Variants in MYO10 observed in about 807,000 individuals in gnomAD.
MYO10 encodes the protein myosin X, also known as unconventional myosin-X.
In MYO10, 133 loss-of-function variants were observed where a neutral mutation model predicts 257.3. The ratio of observed to expected loss-of-function variants is 0.52; its 90% CI spans 0.45 to 0.60. MYO10 has a LOEUF of 0.60. MYO10 is among the 20% of genes least tolerant of loss of function. The pLI is 0.00. For missense variants in MYO10, 2,399 were observed against 2,635.7 expected (o/e 0.91, Z 1.97); for synonymous variants, 1,104 against 1,028.6 (o/e 1.07, Z -1.40).
chr5:16,790,179 G>C (rs1275210883), intron 4 of MYO10, among the ~76,000 whole-genome samples: 1 of 151,986 alleles, frequency 6.6e-6, no homozygotes, highest in Non-Finnish European at 1.5e-5. Flanking sequence ...TGGTTAAGTA[G>C]AAATCACTCA....
intron 22 of MYO10, among the ~76,000 whole-genome samples, 196 bp downstream of exon 22, chr5:16,704,383 A>T (rs115252362): frequency 0.016 from 2,390 of 152,218 alleles, 52 homozygotes; most frequent in African/African-American, 0.054. Context: ...CTACCTGAGA[A>T]GTCAAAAAGT....
chr5:16,780,795 G>A, intron 6 of MYO10, 54 bp from the exon 7 acceptor site: 2 of 1,499,950 alleles, frequency 1.3e-6, no homozygotes, highest in Non-Finnish European at 9.1e-7. Flanking sequence ...TATGTGCCAT[G>A]CTCAACTAGT....
rs1240028093 is a variant in MYO10, at chr5:16,794,660, C to A, written c.453G>T (p.Gln151His). The change falls in exon 4 of 41, where the codon CAG becomes CAT. Residue 151 changes from glutamine to histidine, a missense_variant. This residue lies in a region of MYO10 where 242 missense variants were observed against 249.5 expected (regional missense o/e 0.97). Transcript: ENST00000513610. ...AGCCCCGTTACCTGATGAGGATGCA[C>A]TGGTTGTCGTGGCGCTTCCACAGGC... ...YRCLWKRHDN[Q>H]CILISGESGA... 1 of 1,610,782 alleles carries A rather than the reference C, an allele frequency of 6.2e-7. No individual in the cohort carries two copies. The highest frequency in any genetic ancestry group is 8.5e-7 in the Non-Finnish European group (1 of 1,178,468).
At chr5:16,897,140 A>C (rs1334930280) in intron 1 of MYO10, among the ~76,000 whole-genome samples, 1 of 152,144 alleles carries the variant, frequency 6.6e-6, no homozygotes, top group Non-Finnish European at 1.5e-5. Context: ...TTATTCCAAT[A>C]ATTAATGCTC....
intron 1 of MYO10, among the ~76,000 whole-genome samples, chr5:16,927,192 G>A (rs1042238069): frequency 2.4e-4 from 37 of 152,128 alleles, no homozygotes; most frequent in African/African-American, 8.9e-4. Context: ...AAACATTACA[G>A]GTGTGTTTTA....
chr5:16,806,259 A>G (rs1169266059), intron 3 of MYO10, among the ~76,000 whole-genome samples: 1 of 150,156 alleles, frequency 6.7e-6, no homozygotes, highest in African/African-American at 2.5e-5. Context: ...CTGAGGTAGA[A>G]GAATCGGGAG....
At chr5:16,833,311 T>C (rs953042674) in intron 2 of MYO10, among the ~76,000 whole-genome samples, 1 of 151,752 alleles carries the variant, frequency 6.6e-6, no homozygotes, top group African/African-American at 2.4e-5. Flanking sequence ...CCTCCCAGGC[T>C]CAAATGATTC....
At chr5:16,766,287 G>T in intron 10 of MYO10, 89 bp from the exon 11 acceptor site, 1 of 916,718 alleles carries the variant, frequency 1.1e-6, no homozygotes, top group Non-Finnish European at 1.7e-6. Flanking sequence ...GAACACACCT[G>T]AATCCCTCAC....
intron 1 of MYO10, among the ~76,000 whole-genome samples, chr5:16,888,945 G>T (rs1744966428): frequency 6.6e-6 from 1 of 152,212 alleles, no homozygotes; most frequent in South Asian, 2.1e-4. Context: ...GGCTGAGGTG[G>T]GAGGATCGTT....
chr5:16,671,707 A>G (rs1007065842), intron 37 of MYO10, among the ~76,000 whole-genome samples, 165 bp from the exon 38 acceptor site: 1 of 152,146 alleles, frequency 6.6e-6, no homozygotes, highest in Non-Finnish European at 1.5e-5. Context: ...GAGTGAAAAA[A>G]CGTACTTTCA....
intron 1 of MYO10, among the ~76,000 whole-genome samples, chr5:16,906,538 C>A (rs1172833582): frequency 1.3e-5 from 2 of 152,184 alleles, no homozygotes; most frequent in Admixed American, 6.5e-5. Context: ...TCTTCAGGCC[C>A]AGGAACATCC....
chr5:16,901,817 G>A lies in MYO10; in HGVS notation c.22-24110C>T, dbSNP rs185522432. 3.5e-4 allele frequency among the ~76,000 whole-genome samples: 54 copies of A among 152,226 alleles called. No homozygotes were observed. The East Asian group carries it at 0.01, about 29-fold the overall frequency. On this transcript the variant is annotated intron_variant, in intron 1 of 40. Coordinates refer to ENST00000513610, the MANE Select transcript of MYO10 (RefSeq NM_012334.3). Reference sequence around the variant, plus strand: ...TTTCTAGATGCAGAGAGGGCAATAGGAATTCCCATTCCCACCCCTAACTGC... The same window carrying A: ...TTTCTAGATGCAGAGAGGGCAATAGAAATTCCCATTCCCACCCCTAACTGC...
intron 19 of MYO10, among the ~76,000 whole-genome samples, chr5:16,722,014 T>C (rs901056857): frequency 1.3e-5 from 2 of 152,154 alleles, no homozygotes; most frequent in African/African-American, 2.4e-5. Flanking sequence ...CCATAGATCA[T>C]TCTACTTGTT....
intron 2 of MYO10, among the ~76,000 whole-genome samples, chr5:16,859,045 C>T (rs1744040811): frequency 1.3e-5 from 2 of 152,136 alleles, no homozygotes; most frequent in Admixed American, 6.5e-5. Context: ...GATTTACCCG[C>T]CTGCTCTTTA....
chr5:16,710,971 C>T lies in MYO10; in HGVS notation c.2106G>A (p.Lys702=). 6.2e-7 allele frequency: 1 copy of T among 1,613,968 alleles called. No individual in the cohort carries two copies. Among genetic ancestry groups the T allele is most frequent in the Admixed American group, 1.7e-5 (1 of 60,022 alleles). ...NLALPEDVRG[K]CTSLLQLYDA... ...CATAGAGCTGCAGCAGGCTCGTGCA[C>T]TTCCCTCGGACGTCCTCAGGCAGAG... Residue 702 remains lysine, a synonymous_variant, in exon 21 of 41, where the codon AAG becomes AAA. Coordinates refer to ENST00000513610, the MANE Select transcript of MYO10 (RefSeq NM_012334.3).
intron 1 of MYO10, among the ~76,000 whole-genome samples, chr5:16,885,830 T>C (rs1744882920): frequency 6.6e-6 from 1 of 151,814 alleles, no homozygotes; most frequent in South Asian, 2.1e-4. Flanking sequence ...AAGGGGAAGG[T>C]GAAATCTAAG....
chr5:16,780,102 A>G (rs1741350598), intron 8 of MYO10, among the ~76,000 whole-genome samples: 1 of 151,976 alleles, frequency 6.6e-6, no homozygotes, highest in Non-Finnish European at 1.5e-5. Flanking sequence ...GAGTTTCACC[A>G]TATTGGCCTG....
intron 19 of MYO10, among the ~76,000 whole-genome samples, chr5:16,715,392 ATTTTTTTTT>A (rs372307063): frequency 3.6e-5 from 3 of 84,340 alleles, no homozygotes; most frequent in African/African-American, 4.7e-5. Context: ...TAAGATTGAA[ATTTTTTTTT>A]TTTTTTTTTT....
At chr5:16,766,046 A>C in intron 11 of MYO10, 34 bp downstream of exon 11, 1 of 1,488,330 alleles carries the variant, frequency 6.7e-7, no homozygotes. Context: ...AGGAGTGTCT[A>C]GTAACGCAAG....
Sources: gnomAD v4.1 joint callset for allele counts (sites outside exome capture counted in the v4.1 genomes callset) on GRCh38, gnomAD v4.1.1 for gene constraint, gnomAD v4.1.1 regional missense constraint, MANE v1.5 for transcripts, NCBI Gene and HGNC (gene_info 2026-07-23, HGNC 2026-07-21) for gene names.